CUX1: variants seen among roughly 807,000 people sequenced by gnomAD.
The protein encoded by CUX1 is protein CASP.
A neutral mutation model predicts 158.8 loss-of-function variants in CUX1; 31 were observed. That is an observed-to-expected ratio of 0.20 (90% CI 0.15 to 0.26). The LOEUF is 0.26. CUX1 is among the 10% of genes least tolerant of loss of function. CUX1 has a pLI of 1.00. For synonymous variants in CUX1, 879 were observed against 862.1 expected (o/e 1.02, Z -0.34); for missense variants, 1,589 against 2,014.6 (o/e 0.79, Z 4.04).
Position 102,248,671 on chromosome 7 carries a change from C to G in CUX1, c.4147C>G (p.Pro1383Ala). The change falls in exon 24 of 24, where the codon CCG (proline) becomes GCG (alanine). Residue 1383 changes from proline (P) to alanine (A), a missense_variant. Pro to Ala is a conservative substitution (Grantham distance 27, BLOSUM62 -1). This residue lies in a region of CUX1 where 344 missense variants were observed against 323.7 expected (regional missense o/e 1.06). Coordinates refer to ENST00000292535, the MANE Select transcript of CUX1 (RefSeq NM_181552.4). This position sits in a 1 kb window ranked among gnomAD's most constrained non-coding sequence, Gnocchi z 5.8. ...TEPPPSGTPG[P>A]DDARDDDHEG... is the part of the protein sequence containing the mutation. The stretch of plus-strand genomic sequence containing the variant: ...GCCGCCGCCCTCGGGGACCCCGGGC[C>G]CGGACGACGCCCGCGACGACGACCA... 1 of 1,315,388 alleles carries G rather than the reference C, an allele frequency of 7.6e-7. No homozygotes were observed. The highest frequency in any genetic ancestry group is 9.7e-7 in the Non-Finnish European group (1 of 1,032,388). The allele number at this position is 1,315,388 out of a possible 1,614,324, so 81.5% of individuals were successfully genotyped here.
chr7:102,261,657 G>T (rs567437996), downstream of CUX1, among the ~76,000 whole-genome samples: 5 of 152,134 alleles, frequency 3.3e-5, no homozygotes, highest in East Asian at 9.7e-4. Context: ...GGAGGCGTCA[G>T]TGTCTCTGTG....
At chr7:101,855,333 G>A (rs756999995) in intron 1 of CUX1, among the ~76,000 whole-genome samples, 5 of 152,186 alleles carry the variant, frequency 3.3e-5, no homozygotes, top group African/African-American at 1.2e-4. Flanking sequence ...GGCCTTGCCT[G>A]CCAGGGGGAC....
intron 1 of CUX1, among the ~76,000 whole-genome samples, chr7:101,911,372 A>G (rs1276084400): frequency 4.8e-4 from 58 of 121,124 alleles, no homozygotes; most frequent in South Asian, 8.4e-4. Flanking sequence ...GATGACCTGA[A>G]CCTTGGCCTT....
chr7:102,205,501 C>T lies in CUX1; in HGVS notation c.3130+331C>T, dbSNP rs3788995. On this transcript the variant is annotated intron_variant, in intron 20 of 23. Coordinates refer to ENST00000292535, the MANE Select transcript of CUX1 (RefSeq NM_181552.4). ...CCGTCTGATAGGAAGGGATAAAGCA[C>T]GGGCACACGTCCCTCTCCTGGTGGG... Among the ~76,000 whole-genome samples, 10 of 152,286 alleles carry T rather than the reference C, an allele frequency of 6.6e-5. No individual in the cohort carries two copies. The East Asian group carries it at 9.7e-4, about 15-fold the overall frequency.
At chr7:101,893,602 A>G (rs1705239585) in intron 1 of CUX1, among the ~76,000 whole-genome samples, 1 of 152,156 alleles carries the variant, frequency 6.6e-6, no homozygotes, top group South Asian at 2.1e-4. Flanking sequence ...TCTAACGTAG[A>G]GAAGTGGACA....
intron 15 of CUX1, among the ~76,000 whole-genome samples, chr7:102,198,034 G>A (rs782279069): frequency 1.2e-4 from 19 of 152,140 alleles, no homozygotes; most frequent in Admixed American, 4.6e-4. Context: ...TGGATGGATC[G>A]CTTGAGTCCA....
At chr7:102,028,249 G>C in intron 3 of CUX1, 104 bp downstream of exon 3, 1 of 1,238,642 alleles carries the variant, frequency 8.1e-7, no homozygotes. Context: ...CTGCCCAGAT[G>C]GTGCCTTCCC....
At chr7:102,111,617 G>A (rs1360536742) in intron 6 of CUX1, 81 bp from the exon 7 acceptor site, 4 of 1,293,468 alleles carry the variant, frequency 3.1e-6, no homozygotes, top group African/African-American at 1.5e-5. Context: ...CAGGGAGGGA[G>A]CTGAGCTCAG....
At chr7:101,939,224 A>AT (rs1363518049) in intron 2 of CUX1, among the ~76,000 whole-genome samples, 1 of 149,702 alleles carries the variant, frequency 6.7e-6, no homozygotes, top group Non-Finnish European at 1.5e-5. Flanking sequence ...ATCATTTTGT[A>AT]TTTTCTGGAG....
At chr7:102,176,438 G>A (rs1415928946) in intron 10 of CUX1, among the ~76,000 whole-genome samples, 4 of 152,056 alleles carry the variant, frequency 2.6e-5, no homozygotes, top group Admixed American at 2.6e-4. Flanking sequence ...CTGCCCCCAG[G>A]ATTCGGCTGT....
intron 4 of CUX1, among the ~76,000 whole-genome samples, chr7:102,092,311 A>G (rs1175277238): frequency 2.0e-5 from 3 of 152,026 alleles, no homozygotes; most frequent in Admixed American, 6.6e-5. Context: ...CCCTGTTCAC[A>G]GCTACCACGG....
chr7:102,172,601 T>C lies in CUX1; in HGVS notation c.828+2051T>C, dbSNP rs578167570. Among the ~76,000 whole-genome samples, 13 of 152,320 alleles carry C rather than the reference T, an allele frequency of 8.5e-5. No homozygotes were observed. In the South Asian group the frequency reaches 2.3e-3, roughly 27 times the overall value. On this transcript the variant is annotated intron_variant, in intron 10 of 23. Transcript: ENST00000292535. ...AAAACCTCCATGAATGTAAACACCT[T>C]TTCCCAAAGCACAGTCAATCTAATG...
chr7:101,918,683 G>A (rs534761021), intron 2 of CUX1, among the ~76,000 whole-genome samples: 9 of 152,236 alleles, frequency 5.9e-5, no homozygotes, highest in Non-Finnish European at 1.2e-4. Flanking sequence ...GACCAACCTG[G>A]AAATCTGTGG....
intron 6 of CUX1, among the ~76,000 whole-genome samples, chr7:102,109,151 A>G (rs1224786634): frequency 6.6e-6 from 1 of 152,210 alleles, no homozygotes; most frequent in African/African-American, 2.4e-5. Context: ...ATATGACTAT[A>G]TAAAACTTAA....
intron 1 of CUX1, chr7:101,824,264 T>G (rs1053703664): frequency 2.0e-5 from 3 of 152,112 alleles, no homozygotes; most frequent in Non-Finnish European, 2.9e-5. Context: ...AATTTTTGTG[T>G]TTTTAGTAGA....
At chr7:102,200,007 C>A in intron 16 of CUX1, 64 bp from the exon 17 acceptor site, 1 of 1,389,720 alleles carries the variant, frequency 7.2e-7, no homozygotes, top group Non-Finnish European at 1.0e-6. Flanking sequence ...ATGACGTCTT[C>A]GCGCAGCGCT....
At chr7:101,904,846 G>A (rs992001560) in intron 1 of CUX1, among the ~76,000 whole-genome samples, 1 of 152,208 alleles carries the variant, frequency 6.6e-6, no homozygotes, top group Non-Finnish European at 1.5e-5. Flanking sequence ...TGGGATTACA[G>A]GCGTGAGCCA....
chr7:102,043,821 T>G (rs1051728568), intron 3 of CUX1, among the ~76,000 whole-genome samples: 3 of 152,134 alleles, frequency 2.0e-5, no homozygotes, highest in Non-Finnish European at 4.4e-5. Flanking sequence ...CCACCAACAG[T>G]GTACAAAGAT....
chr7:101,980,689 T>G (rs1363309388), intron 2 of CUX1, among the ~76,000 whole-genome samples: 1 of 152,144 alleles, frequency 6.6e-6, no homozygotes, highest in East Asian at 1.9e-4. Context: ...CACCTTCTTC[T>G]GCTCTAGGCC....
Sources: gnomAD v4.1 joint callset for allele counts (sites outside exome capture counted in the v4.1 genomes callset) on GRCh38, gnomAD v4.1.1 for gene constraint, gnomAD v4.1.1 regional missense constraint, Gnocchi (gnomAD v3.1) non-coding constraint, MANE v1.5 for transcripts, NCBI Gene and HGNC (gene_info 2026-07-23, HGNC 2026-07-21) for gene names.